NAA35: variants seen among roughly 807,000 people sequenced by gnomAD.
The protein encoded by NAA35 is MAK10 homolog, amino-acid N-acetyltransferase subunit.
In NAA35, 18 loss-of-function variants were observed where a neutral mutation model predicts 101.7. That is an observed-to-expected ratio of 0.18 (90% confidence interval 0.12 to 0.26). The LOEUF (loss-of-function observed/expected upper bound fraction) is 0.26, where lower values mean the gene tolerates loss of function less well. Ranked by LOEUF, NAA35 falls within the 10% of genes least tolerant of loss-of-function variation. The pLI is 1.00. For synonymous variants in NAA35, 267 were observed against 273.1 expected (o/e 0.98, Z 0.22); for missense variants, 601 against 886.8 (o/e 0.68, Z 4.09).
intron 11 of NAA35, among the ~76,000 whole-genome samples, chr9:85,988,546 T>A (rs532562347): frequency 6.6e-6 from 1 of 152,136 alleles, no homozygotes; most frequent in South Asian, 2.1e-4. Context: ...ACGCCTGTAA[T>A]CCCAGCACTT....
chr9:85,996,538 C>T lies in NAA35; in HGVS notation c.1017C>T (p.Val339=). The change falls in exon 12 of 23, where the codon GTC becomes GTT. Residue 339 remains valine (V), a synonymous_variant. Transcript: ENST00000361671. ...GATTAATAGATAGAATAAAAACTGT[C>T]TGTGAGGTTGTGAATTTAACAAATT... The part of the protein sequence containing the change: ...FARLIDRIKT[V]CEVVNLTNLH... 6.3e-7 allele frequency: 1 copy of T among 1,591,390 alleles called. No individual in the cohort carries two copies. Among genetic ancestry groups the T allele is most frequent in the Non-Finnish European group, 8.5e-7 (1 of 1,173,614 alleles).
rs966706045 is a variant in NAA35 at position 85,978,328 on chromosome 9, T to C, written c.824T>C (p.Ile275Thr). The C allele has an allele frequency of 6.2e-7, 1 of 1,613,472 alleles. No homozygotes were observed. Among genetic ancestry groups the C allele is most frequent in the Non-Finnish European group, 8.5e-7 (1 of 1,179,534 alleles). The change falls in exon 11 of 23, where the codon ATT (isoleucine) becomes ACT (threonine). Residue 275 changes from isoleucine (I) to threonine (T), a missense_variant. Ile to Thr is a moderately conservative substitution (Grantham distance 89, BLOSUM62 -1). This residue lies in a region of NAA35 where 190 missense variants were observed against 223.1 expected (regional missense o/e 0.85). Transcript: ENST00000361671. Reference protein sequence around the residue: ...MVQAADLLSAIHNSLHHGIQA... With the variant: ...MVQAADLLSATHNSLHHGIQA... ...CAAGCAGCAGATCTTCTTTCTGCCATTCATAATTCATTGCATCATGGCATC... is the reference window on the plus strand; with the variant it reads ...CAAGCAGCAGATCTTCTTTCTGCCACTCATAATTCATTGCATCATGGCATC...
At chr9:85,998,328 CA>C (rs1207689321) in intron 12 of NAA35, among the ~76,000 whole-genome samples, 1 of 152,126 alleles carries the variant, frequency 6.6e-6, no homozygotes, top group Non-Finnish European at 1.5e-5. Flanking sequence ...TCAACAAATA[CA>C]TGACAAATTC....
chr9:85,988,051 T>A (rs1830726528), intron 11 of NAA35, among the ~76,000 whole-genome samples: 1 of 152,206 alleles, frequency 6.6e-6, no homozygotes, highest in African/African-American at 2.4e-5. Context: ...GTTTTAGTAG[T>A]CTAGTTAACT....
rs773922665 is a variant in NAA35, at chr9:86,013,102, G to C, written c.1347G>C (p.Lys449Asn). ...ATAACAGGGCTCGACAGAGAGATAA[G>C]CTTGGTCATATTCTTGAGGAATTTG... ...HGHNRARQRD[K>N]LGHILEEFAT... Residue 449 changes from lysine to asparagine, a missense_variant, in exon 16 of 23, where the codon AAG becomes AAC. Physicochemically the swap from Lys to Asn is moderately conservative, Grantham distance 94 (BLOSUM62 0). This residue lies in a region of NAA35 where 99 missense variants were observed against 206.7 expected (regional missense o/e 0.48). Transcript: ENST00000361671. 2.5e-6 allele frequency: 4 copies of C among 1,595,652 alleles called. No homozygotes were observed. Among genetic ancestry groups the C allele is most frequent in the Non-Finnish European group, 3.4e-6 (4 of 1,167,298 alleles).
At chr9:86,013,692 A>G in intron 16 of NAA35, 27 bp from the exon 17 acceptor site, 1 of 1,583,018 alleles carries the variant, frequency 6.3e-7, no homozygotes. Context: ...CAAAACGAAC[A>G]CAGTTTATGA....
At chr9:85,968,457 A>G (rs997146071) in intron 6 of NAA35, among the ~76,000 whole-genome samples, 1 of 152,070 alleles carries the variant, frequency 6.6e-6, no homozygotes, top group African/African-American at 2.4e-5. Flanking sequence ...TGATCTGCCC[A>G]CCTCGGGCCT....
intron 17 of NAA35, among the ~76,000 whole-genome samples, chr9:86,014,709 G>A (rs1045312272): frequency 3.3e-5 from 5 of 152,150 alleles, no homozygotes; most frequent in African/African-American, 1.2e-4. Flanking sequence ...CTTCCATGCT[G>A]TTGATGTAGA....
chr9:86,017,684 G>C, intron 19 of NAA35, 119 bp downstream of exon 19: 1 of 832,486 alleles, frequency 1.2e-6, no homozygotes, highest in Non-Finnish European at 1.8e-6. Context: ...TTTACTTCCT[G>C]TCTGCTTGAA....
intron 6 of NAA35, among the ~76,000 whole-genome samples, chr9:85,964,170 T>A (rs775243989): frequency 6.6e-6 from 1 of 151,722 alleles, no homozygotes; most frequent in African/African-American, 2.4e-5. Context: ...GGGGAATAAT[T>A]TCAGATTAAC....
chr9:85,943,120 A>C (rs755075860), intron 2 of NAA35, among the ~76,000 whole-genome samples: 5 of 152,194 alleles, frequency 3.3e-5, no homozygotes, highest in Non-Finnish European at 7.3e-5. Context: ...GCACATAGTA[A>C]ATTCAATAAA....
rs529651959 is a variant in NAA35, at chr9:85,949,237, C to T, written c.124+6954C>T. 2.6e-5 allele frequency among the ~76,000 whole-genome samples: 4 copies of T among 151,990 alleles called. No homozygotes were observed. In the South Asian group the frequency reaches 6.3e-4, roughly 24 times the overall value. On this transcript the variant is annotated intron_variant, in intron 2 of 22. Transcript: ENST00000361671. ...TCTGTTATTTGGATATTGAATCTCCCTAAACTTGTCCTCTGGATTTTTTTC... is the reference window on the plus strand; with the variant it reads ...TCTGTTATTTGGATATTGAATCTCCTTAAACTTGTCCTCTGGATTTTTTTC...
At chr9:85,983,352 A>C (rs1276902516) in intron 11 of NAA35, among the ~76,000 whole-genome samples, 1 of 152,218 alleles carries the variant, frequency 6.6e-6, no homozygotes, top group South Asian at 2.1e-4. Flanking sequence ...TGAAAAGTCC[A>C]AGAGATGGGG....
At chr9:86,017,879 T>C (rs1424124660) in intron 19 of NAA35, among the ~76,000 whole-genome samples, 1 of 152,222 alleles carries the variant, frequency 6.6e-6, no homozygotes, top group Admixed American at 6.5e-5. Flanking sequence ...GTACTTCTGA[T>C]TGATGATCAG....
At chr9:86,018,962 G>A in intron 21 of NAA35, 141 bp downstream of exon 21, 1 of 1,116,832 alleles carries the variant, frequency 9.0e-7, no homozygotes, top group South Asian at 1.7e-5. Context: ...AAGGATTTCA[G>A]GTAGTTTTGT....
rs372767957 is a variant in NAA35, at chr9:86,013,159, C to T, written c.1389+15C>T. 39 of 1,506,636 alleles carry T rather than the reference C, an allele frequency of 2.6e-5. No homozygotes were observed. Among genetic ancestry groups the T allele is most frequent in the Non-Finnish European group, 2.9e-5 (32 of 1,094,468 alleles). 93.3% of individuals were successfully genotyped at this position (1,506,636 alleles called of 1,614,324 possible). A position where few individuals can be genotyped will look rare whatever the true frequency, so the allele number is the denominator to read the frequency against. ...TGCAGGATGAGGTAAGAGCCAGGTT[C>T]CCCTCTCTTCTAAAATTAAATGATG... On this transcript the variant is annotated intron_variant, in intron 16 of 22. Coordinates refer to ENST00000361671, the MANE Select transcript of NAA35 (RefSeq NM_024635.4).
At chr9:85,992,260 C>T (rs926859050) in intron 11 of NAA35, among the ~76,000 whole-genome samples, 8 of 151,738 alleles carry the variant, frequency 5.3e-5, no homozygotes, top group African/African-American at 1.7e-4. Flanking sequence ...GGGGATCTCA[C>T]GTGGTCAAAA....
chr9:86,020,141 GATA>G (rs1249952471), intron 21 of NAA35, among the ~76,000 whole-genome samples: 1 of 152,184 alleles, frequency 6.6e-6, no homozygotes, highest in Admixed American at 6.5e-5. Context: ...TCTTTATAAA[GATA>G]ATATCAGAAT....
chr9:85,956,492 G>A (rs778133352), intron 3 of NAA35, 99 bp downstream of exon 3: 4 of 627,170 alleles, frequency 6.4e-6, no homozygotes, highest in South Asian at 3.2e-5. Flanking sequence ...GTAAATTTAC[G>A]TTTCAAAATT....
Sources: gnomAD v4.1 joint callset for allele counts (sites outside exome capture counted in the v4.1 genomes callset) on GRCh38, gnomAD v4.1.1 for gene constraint, gnomAD v4.1.1 regional missense constraint, MANE v1.5 for transcripts, NCBI Gene and HGNC (gene_info 2026-07-23, HGNC 2026-07-21) for gene names.